The following ARHGEF2 variants were observed in gnomAD, a reference collection of about 807,000 sequenced individuals.
ARHGEF2 encodes rho guanine nucleotide exchange factor 2.
Under a neutral mutation model 121.0 loss-of-function variants are expected in ARHGEF2, and 22 were observed. That is an observed-to-expected ratio of 0.18 (90% CI 0.13 to 0.26). The LOEUF is 0.26. Among genes scored for constraint, ARHGEF2 ranks in the 10% least tolerant of loss-of-function variants. ARHGEF2 has a pLI of 1.00. For synonymous variants in ARHGEF2, 487 were observed against 530.0 expected, an observed-to-expected ratio of 0.92 and a Z score of 1.11; for missense variants, 907 against 1,336.0, an observed-to-expected ratio of 0.68 and a Z score of 5.01.
At chr1:155,953,730 G>C (rs188977244) in intron 14 of ARHGEF2, among the ~76,000 whole-genome samples, 1 of 127,594 alleles carries the variant, frequency 7.8e-6, no homozygotes, top group Non-Finnish European at 1.6e-5. Context: ...CTGGGCGACA[G>C]AGCAAGACCC....
chr1:155,965,295 C>G lies in ARHGEF2; in HGVS notation c.580+8G>C. ...CCTCAGGGCTCCCCTGGGCCCAGGC[C>G]TGCTCACCTTCGTCAATGAGGGATT... On this transcript the variant is annotated splice_region_variant and intron_variant, in intron 6 of 21. Transcript: ENST00000361247. This position sits in a 1 kb window ranked among gnomAD's most constrained non-coding sequence, Gnocchi z 6.0. 3 of 1,613,794 alleles carry G rather than the reference C, an allele frequency of 1.9e-6. No homozygotes were observed. Among genetic ancestry groups the G allele is most frequent in the Non-Finnish European group, 2.5e-6 (3 of 1,179,652 alleles).
Position 155,965,584 on chromosome 1 carries a change from C to A in ARHGEF2, c.470+47G>T. ...GGACCTCTCAGCACCCCCTTGGCCT[C>A]CACTGCCACACTCTCTGGCTGCCCC... On this transcript the variant is annotated intron_variant, in intron 5 of 21. Transcript: ENST00000361247. This position sits in a 1 kb window ranked among gnomAD's most constrained non-coding sequence, Gnocchi z 6.0. 1 of 1,611,268 alleles carries A rather than the reference C, an allele frequency of 6.2e-7. No individual in the cohort carries two copies. Among genetic ancestry groups the A allele is most frequent in the South Asian group, 1.1e-5 (1 of 90,760 alleles).
rs780191680 is a variant in ARHGEF2, at chr1:155,961,846, T to A, written c.1283A>T (p.Asn428Ile). The change falls in exon 11 of 22, where the codon AAT (asparagine) becomes ATT (isoleucine). Residue 428 changes from asparagine to isoleucine, a missense_variant. Physicochemically the swap from Asn to Ile is moderately radical, Grantham distance 149 (BLOSUM62 -3). Transcript: ENST00000361247. This position sits in a 1 kb window ranked among gnomAD's most constrained non-coding sequence, Gnocchi z 4.7. The part of the protein sequence containing the change: ...ALGLVKELLS[N>I]VDEGIYQLEK... ...CAGCTGATAAATACCCTCGTCCACA[T>A]TGGACAGCAGCTCCTTCACTAGCCC... The A allele has an allele frequency of 6.2e-7, 1 of 1,614,204 alleles. No homozygotes were observed. The highest frequency in any genetic ancestry group is 2.2e-5 in the East Asian group (1 of 44,880).
Position 155,958,332 on chromosome 1 carries a change from G to A in ARHGEF2, c.1533C>T (p.Ile511=). ...VFLQEKDQKY[I]FPTLDKPSVV... is the part of the protein sequence containing the mutation. ...ATGAATGTCTCACCAGGGTAGGAAA[G>A]ATGTACTTCTGGTCCTTTTCCTGGA... Residue 511 remains isoleucine, a synonymous_variant, in exon 12 of 22, where the codon ATC becomes ATT. Coordinates refer to ENST00000361247, the MANE Select transcript of ARHGEF2 (RefSeq NM_001162383.2). 6.2e-7 allele frequency: 1 copy of A among 1,613,028 alleles called. No homozygotes were observed. Among genetic ancestry groups the A allele is most frequent in the Non-Finnish European group, 8.5e-7 (1 of 1,179,028 alleles).
In ARHGEF2 at chr1:155,950,028, T is replaced by G. The variant is rs965963376; in HGVS notation, c.2887+271A>C. Among the ~76,000 whole-genome samples the G allele has an allele frequency of 3.9e-5, 6 of 152,012 alleles. No homozygotes were observed. The highest frequency in any genetic ancestry group is 1.4e-4 in the African/African-American group (6 of 41,390). On this transcript the variant is annotated intron_variant, in intron 21 of 21. Coordinates refer to ENST00000361247, the MANE Select transcript of ARHGEF2 (RefSeq NM_001162383.2). The surrounding 1 kb of genome is among the most constrained non-coding windows in gnomAD (Gnocchi z 5.2). ...CCTCCTGCCTTGGCCTCCCAAAGTGTTAGGATTACAGGCCTGAGCCGCCAT... is the reference window on the plus strand; with the variant it reads ...CCTCCTGCCTTGGCCTCCCAAAGTGGTAGGATTACAGGCCTGAGCCGCCAT...
Position 155,952,815 on chromosome 1 carries a change from C to T in ARHGEF2, c.1797G>A (p.Gln599=), listed in dbSNP as rs759639622. 2 of 1,614,074 alleles carry T rather than the reference C, an allele frequency of 1.2e-6. No individual in the cohort carries two copies. The highest frequency in any genetic ancestry group is 1.3e-5 in the African/African-American group (1 of 74,914). Residue 599 remains glutamine (Q), a synonymous_variant, in exon 15 of 22, where the codon CAG becomes CAA. Coordinates refer to ENST00000361247, the MANE Select transcript of ARHGEF2 (RefSeq NM_001162383.2). ...GCAGCTCCACCAGTGCCCGGTCCTT[C>T]TGCTGCAACTCCACTGCAGATAAGG... The part of the protein sequence containing the change: ...YLRRIKMELQ[Q]KDRALVELLR...
At position 155,964,216 on chromosome 1, in the gene ARHGEF2, A is replaced by ATTT. The variant is rs1234592071; in HGVS notation, c.724+769_724+771dup. Among the ~76,000 whole-genome samples, 12 of 119,190 alleles carry ATTT rather than the reference A, an allele frequency of 1.0e-4. No homozygotes were observed. The East Asian group carries it at 3.1e-3, about 31-fold the overall frequency. 78.2% of individuals were successfully genotyped at this position (119,190 alleles called of 152,430 possible). A position where few individuals can be genotyped will look rare whatever the true frequency, so the allele number is the denominator to read the frequency against. On this transcript the variant is annotated intron_variant, in intron 7 of 21. Coordinates refer to ENST00000361247, the MANE Select transcript of ARHGEF2 (RefSeq NM_001162383.2). ...TATATATACATATATATATATATATATTTTTTTTTTAGAGACAGAGGTCTT... is the reference window on the plus strand; with the variant it reads ...TATATATACATATATATATATATATATTTTTTTTTTTTTAGAGACAGAGGTCTT...
At position 155,951,127 on chromosome 1, in the gene ARHGEF2, G is replaced by T; in HGVS notation, c.2405C>A (p.Thr802Lys). 1 of 1,604,492 alleles carries T rather than the reference G, an allele frequency of 6.2e-7. No individual in the cohort carries two copies. The highest frequency in any genetic ancestry group is 2.2e-5 in the East Asian group (1 of 44,590). The change falls in exon 20 of 22, where the codon ACG becomes AAG. Residue 802 changes from threonine (T) to lysine (K), a missense_variant. Physicochemically the swap from Thr to Lys is moderately conservative, Grantham distance 78. Transcript: ENST00000361247. The surrounding 1 kb of genome is among the most constrained non-coding windows in gnomAD (Gnocchi z 5.1). ...AAPVAPEKQA[T>K]ELALLQRQHA... ...TTGCCGCTGCAGTAATGCCAGTTCC[G>T]TGGCCTGCTTTTCAGGGGCCACAGG... is the stretch of plus-strand genomic sequence containing the variant.
Position 155,962,892 on chromosome 1 carries a change from T to C in ARHGEF2, c.975+41A>G. 6.2e-7 allele frequency: 1 copy of C among 1,611,830 alleles called. No homozygotes were observed. Among genetic ancestry groups the C allele is most frequent in the Non-Finnish European group, 8.5e-7 (1 of 1,178,244 alleles). On this transcript the variant is annotated intron_variant, in intron 8 of 21. Transcript: ENST00000361247. The surrounding 1 kb of genome is among the most constrained non-coding windows in gnomAD (Gnocchi z 5.8). ...AAGAAATGCCCAACCCAGTCACACC[T>C]CCTTCCATGAATGTCACCCAGGGGT...
chr1:155,964,805 A>C (rs1007306769), intron 7 of ARHGEF2, among the ~76,000 whole-genome samples, 183 bp downstream of exon 7: 6 of 150,902 alleles, frequency 4.0e-5, no homozygotes, highest in African/African-American at 1.5e-4. Flanking sequence ...TGTAATGAGA[A>C]TCGCTTGAAC....
intron 13 of ARHGEF2, among the ~76,000 whole-genome samples, chr1:155,956,177 G>C (rs1307935250): frequency 2.0e-5 from 3 of 152,044 alleles, no homozygotes; most frequent in African/African-American, 4.8e-5. Flanking sequence ...CTGACTCACT[G>C]CAACCTCCAC....
At position 155,975,567 on chromosome 1, in the gene ARHGEF2, C is replaced by G. The variant is rs376490122; in HGVS notation, c.63+2798G>C. On this transcript the variant is annotated intron_variant, in intron 1 of 21. Coordinates refer to ENST00000361247, the MANE Select transcript of ARHGEF2 (RefSeq NM_001162383.2). The stretch of plus-strand genomic sequence containing the variant: ...AGCCTCAGCCACCAGGAGGACCCCC[C>G]ATTCTTCCACTCTCCTCCAACACCG... Among the ~76,000 whole-genome samples, 143 of 152,242 alleles carry G rather than the reference C, an allele frequency of 9.4e-4. 1 individual carries two copies. The highest frequency in any genetic ancestry group is 3.3e-3 in the African/African-American group (138 of 41,554).
At chr1:155,959,343 G>C (rs1362649646) in intron 11 of ARHGEF2, among the ~76,000 whole-genome samples, 2 of 151,842 alleles carry the variant, frequency 1.3e-5, no homozygotes, top group African/African-American at 2.4e-5. Context: ...CTGTCTCCCA[G>C]GAAAAAGCGA....
At chr1:155,960,661 G>A (rs1393120373) in intron 11 of ARHGEF2, among the ~76,000 whole-genome samples, 1 of 152,122 alleles carries the variant, frequency 6.6e-6, no homozygotes, top group East Asian at 1.9e-4. Flanking sequence ...AGGAGAGAAA[G>A]GGATAAAGGA....
chr1:155,964,979 T>C lies in ARHGEF2; in HGVS notation c.724+9A>G. ...AAGGAAGAGGAAGACTAGGGTGGTCTTGGCTTACCATAGATGACATCTTGC... is the reference window on the plus strand; with the variant it reads ...AAGGAAGAGGAAGACTAGGGTGGTCCTGGCTTACCATAGATGACATCTTGC... On this transcript the variant is annotated intron_variant, in intron 7 of 21. Transcript: ENST00000361247. 6.2e-7 allele frequency: 1 copy of C among 1,613,208 alleles called. No individual in the cohort carries two copies. The highest frequency in any genetic ancestry group is 1.1e-5 in the South Asian group (1 of 91,030).
At chr1:155,958,649 C>T (rs889826670) in intron 11 of ARHGEF2, among the ~76,000 whole-genome samples, 7 of 148,988 alleles carry the variant, frequency 4.7e-5, no homozygotes, top group Non-Finnish European at 7.4e-5. Flanking sequence ...AATCTTGGCT[C>T]ACTGCAACCT....
chr1:155,974,072 G>C (rs1161185564), intron 1 of ARHGEF2, among the ~76,000 whole-genome samples: 1 of 151,830 alleles, frequency 6.6e-6, no homozygotes, highest in Non-Finnish European at 1.5e-5. Context: ...TTTTTGTAGA[G>C]ATGAGGTCTC....
In ARHGEF2 at chr1:155,965,831, T is replaced by G. The variant is rs1011521049; in HGVS notation, c.341-71A>C. The G allele has an allele frequency of 2.0e-6, 3 of 1,503,150 alleles. No homozygotes were observed. Among genetic ancestry groups the G allele is most frequent in the Non-Finnish European group, 2.6e-6 (3 of 1,135,138 alleles). 93.1% of individuals were successfully genotyped at this position (1,503,150 alleles called of 1,614,324 possible). A position where few individuals can be genotyped will look rare whatever the true frequency, so the allele number is the denominator to read the frequency against. On this transcript the variant is annotated intron_variant, in intron 4 of 21. Transcript: ENST00000361247. This position sits in a 1 kb window ranked among gnomAD's most constrained non-coding sequence, Gnocchi z 6.0. ...TTCCCAGGATTGAGGCCTCCTAGGC[T>G]CCTCAATGAGGAATGAGGCATCCTC...
At chr1:155,967,967 C>A (rs572068286) in intron 2 of ARHGEF2, among the ~76,000 whole-genome samples, 3 of 152,034 alleles carry the variant, frequency 2.0e-5, no homozygotes, top group South Asian at 2.1e-4. Context: ...CCCCCACCCC[C>A]CTGGAGCTCC....
Sources: allele counts gnomAD v4.1 joint callset (sites outside exome capture counted in the v4.1 genomes callset), GRCh38; gene constraint gnomAD v4.1.1; non-coding constraint Gnocchi (gnomAD v3.1); transcripts MANE v1.5; gene names NCBI Gene and HGNC (gene_info 2026-07-23, HGNC 2026-07-21).